Variants in GLRA2 observed in about 807,000 individuals in gnomAD.
GLRA2 encodes glycine receptor subunit alpha-2.
GLRA2 carries 11 observed loss-of-function variants against 31.6 expected under a neutral mutation model. The observed-to-expected ratio is 0.35, with a 90% CI of 0.22 to 0.58. The LOEUF (loss-of-function observed/expected upper bound fraction) is 0.58. Ranked by LOEUF, GLRA2 falls within the 20% of genes least tolerant of loss-of-function variation. GLRA2 has a pLI of 0.84. For missense variants in GLRA2, 212 were observed against 351.8 expected (o/e 0.60, Z 3.18); for synonymous variants, 132 against 134.0 (o/e 0.99, Z 0.10).
intron 8 of GLRA2, among the ~76,000 whole-genome samples, chrX:14,708,145 G>GTATC (rs1306197529): frequency 9.0e-6 from 1 of 111,315 alleles, no homozygotes; most frequent in African/African-American, 3.3e-5. Context: ...CTGAAACTTT[G>GTATC]TATCCCTTGA....
chrX:14,606,071 A>G (rs1199764395), intron 5 of GLRA2, among the ~76,000 whole-genome samples: 1 of 107,061 alleles, frequency 9.3e-6, no homozygotes, highest in Non-Finnish European at 1.9e-5. Flanking sequence ...AGGAAAGTAG[A>G]TTACAATTAA....
At chrX:14,707,113 C>T (rs1488984609) in intron 8 of GLRA2, among the ~76,000 whole-genome samples, 1 of 112,035 alleles carries the variant, frequency 8.9e-6, no homozygotes, top group African/African-American at 3.2e-5. Flanking sequence ...CATTACAGCA[C>T]CATTTCCTGG....
the GLRA2 span, among the ~76,000 whole-genome samples, chrX:14,503,033 G>A: frequency 9.0e-6 from 1 of 111,322 alleles, no homozygotes; most frequent in Non-Finnish European, 1.9e-5. Flanking sequence ...ATTTTTCATT[G>A]CTTAGCACAT....
chrX:14,714,663 C>A (rs2091759109), intron 8 of GLRA2, among the ~76,000 whole-genome samples: 1 of 111,883 alleles, frequency 8.9e-6, no homozygotes, highest in African/African-American at 3.3e-5. Context: ...GAATAAGAGG[C>A]CCTACTGGCA....
intron 8 of GLRA2, among the ~76,000 whole-genome samples, chrX:14,696,180 G>A (rs2091443010): frequency 1.0e-5 from 1 of 98,811 alleles, no homozygotes; most frequent in Non-Finnish European, 2.0e-5. Flanking sequence ...AGAAGGGAGG[G>A]AGAGTGGGAG....
intron 8 of GLRA2, among the ~76,000 whole-genome samples, chrX:14,693,529 T>C (rs1377313729): frequency 8.9e-6 from 1 of 112,005 alleles, no homozygotes; most frequent in Non-Finnish European, 1.9e-5. Context: ...TAGTGAGGAA[T>C]TGTAATATAC....
At chrX:14,607,342 C>A in intron 6 of GLRA2, 74 bp downstream of exon 6, 1 of 835,640 alleles carries the variant, frequency 1.2e-6, no homozygotes. Context: ...GTATACATCT[C>A]ATTACTCTAA....
At chrX:14,629,905 T>G (rs1440171521) in intron 7 of GLRA2, among the ~76,000 whole-genome samples, 1 of 111,981 alleles carries the variant, frequency 8.9e-6, no homozygotes, top group African/African-American at 3.2e-5. Flanking sequence ...GTCATATATT[T>G]TATTTCTTTA....
the GLRA2 span, among the ~76,000 whole-genome samples, chrX:14,470,515 A>G: frequency 4.5e-5 from 5 of 111,717 alleles, no homozygotes; most frequent in Non-Finnish European, 9.4e-5. Context: ...CTAAGGAGAG[A>G]GAGGAAAACC....
the GLRA2 span, among the ~76,000 whole-genome samples, chrX:14,510,898 T>C: frequency 2.8e-4 from 31 of 111,363 alleles, no homozygotes; most frequent in East Asian, 8.4e-3. Context: ...ATCCCTCCTT[T>C]ATAACACTTT....
At chrX:14,539,470 A>G (rs1484489322) in intron 2 of GLRA2, among the ~76,000 whole-genome samples, 3 of 111,742 alleles carry the variant, frequency 2.7e-5, no homozygotes, top group Admixed American at 9.5e-5. Flanking sequence ...GGAGCATATG[A>G]GCAAAAGGCA....
the GLRA2 span, among the ~76,000 whole-genome samples, chrX:14,458,835 T>C: frequency 8.9e-6 from 1 of 111,942 alleles, no homozygotes; most frequent in Non-Finnish European, 1.9e-5. Context: ...CTGTTCACTC[T>C]GATGGTAGTT....
the GLRA2 span, among the ~76,000 whole-genome samples, chrX:14,510,677 CA>C: frequency 4.4e-4 from 49 of 111,493 alleles, no homozygotes; most frequent in African/African-American, 1.3e-3. Flanking sequence ...GTCTATTCAA[CA>C]AAACAGAATA....
At chrX:14,724,884 G>C (rs1034079727) in intron 8 of GLRA2, among the ~76,000 whole-genome samples, 13 of 111,207 alleles carry the variant, frequency 1.2e-4, no homozygotes, top group Non-Finnish European at 1.9e-5. Flanking sequence ...TTTCAACTTT[G>C]TTGTTCTGCA....
intron 4 of GLRA2, among the ~76,000 whole-genome samples, chrX:14,592,371 C>T (rs148711594): frequency 4.5e-5 from 5 of 111,265 alleles, no homozygotes; most frequent in African/African-American, 9.8e-5. Context: ...TAAGAGGCAG[C>T]GTTAAAACAT....
chrX:14,525,059 CATT>C (rs1330765756), upstream of GLRA2, among the ~76,000 whole-genome samples: 2 of 110,915 alleles, frequency 1.8e-5, no homozygotes, highest in Non-Finnish European at 3.8e-5. Flanking sequence ...AACTATAAAG[CATT>C]ATGTATATGT....
At chrX:14,489,785 T>C in the GLRA2 span, among the ~76,000 whole-genome samples, 1 of 112,534 alleles carries the variant, frequency 8.9e-6, no homozygotes, top group African/African-American at 3.2e-5. Context: ...TGCTGACCAG[T>C]AGACATTAGA....
chrX:14,677,221 T>C (rs779795597), intron 7 of GLRA2, among the ~76,000 whole-genome samples: 1 of 111,325 alleles, frequency 9.0e-6, no homozygotes, highest in Non-Finnish European at 1.9e-5. Context: ...TTTTTGTAGC[T>C]TACCCTTTAT....
the GLRA2 span, among the ~76,000 whole-genome samples, chrX:14,513,717 A>G: frequency 3.5e-4 from 39 of 111,961 alleles, 1 homozygote; most frequent in African/African-American, 1.3e-3. Flanking sequence ...ACAATGCAAT[A>G]CCACCTTACT....
Sources: gnomAD v4.1 joint callset for allele counts (sites outside exome capture counted in the v4.1 genomes callset) on GRCh38, gnomAD v4.1.1 for gene constraint, MANE v1.5 for transcripts, NCBI Gene and HGNC (gene_info 2026-07-23, HGNC 2026-07-21) for gene names.